The following BEND2 variants were observed in gnomAD, a reference collection of about 807,000 sequenced individuals.
BEND2 encodes the protein BEN domain containing 2.
Under a neutral mutation model 43.8 loss-of-function variants are expected in BEND2, and 19 were observed. The observed-to-expected ratio is 0.43, with a 90% CI of 0.30 to 0.64. The LOEUF (loss-of-function observed/expected upper bound fraction) is 0.64. BEND2 is among the 30% of genes least tolerant of loss of function. The pLI is 0.11. For synonymous variants in BEND2, 226 were observed against 210.1 expected, an observed-to-expected ratio of 1.08 and a Z score of -0.66; for missense variants, 544 against 574.0, an observed-to-expected ratio of 0.95 and a Z score of 0.53.
chrX:18,173,524 G>A (rs1226808078), intron 12 of BEND2, among the ~76,000 whole-genome samples: 1 of 111,770 alleles, frequency 8.9e-6, no homozygotes, highest in East Asian at 2.8e-4. Context: ...CAGCGCCCTG[G>A]GAGGATGCAT....
Position 18,163,438 on chromosome X carries a change from A to G in BEND2, c.*1571T>C, listed in dbSNP as rs986254992. The stretch of plus-strand genomic sequence containing the variant: ...TAAATTTACTTCCTCTGTCTAATTA[A>G]TTACATCTTAAATGCTCAATAGCCA... On this transcript the variant is annotated 3_prime_UTR_variant, in exon 14 of 14. Transcript: ENST00000380033. 4 of 112,061 alleles carry G rather than the reference A, an allele frequency of 3.6e-5. No individual in the cohort carries two copies. In the South Asian group the frequency reaches 1.1e-3, roughly 31 times the overall value. The allele number at this position is 112,061 out of a possible 1,213,427, so 9.2% of individuals were successfully genotyped here. A position where few individuals can be genotyped will look rare whatever the true frequency, so the allele number is the denominator to read the frequency against.
Position 18,180,729 on chromosome X carries a change from C to T in BEND2, c.1289-79G>A, listed in dbSNP as rs201952712. 12 of 716,649 alleles carry T rather than the reference C, an allele frequency of 1.7e-5. No homozygotes were observed. The East Asian group carries it at 4.1e-4, about 24-fold the overall frequency. The allele number at this position is 716,649 out of a possible 1,213,427, so 59.1% of individuals were successfully genotyped here. ...CAGGTACAGAGGGGAAATACACTCTCAGACAAAAGAAAACTAAAAAGATTT... is the reference window on the plus strand; with the variant it reads ...CAGGTACAGAGGGGAAATACACTCTTAGACAAAAGAAAACTAAAAAGATTT... On this transcript the variant is annotated intron_variant, in intron 8 of 13. Coordinates refer to ENST00000380033, the MANE Select transcript of BEND2 (RefSeq NM_153346.5).
chrX:18,206,975 T>C (rs916310089), intron 4 of BEND2, among the ~76,000 whole-genome samples: 2 of 111,566 alleles, frequency 1.8e-5, no homozygotes, highest in South Asian at 3.8e-4. Context: ...AGAGGAGCCA[T>C]TGGGGCCATT....
At chrX:18,165,260 A>C in intron 13 of BEND2, 37 bp from the exon 14 acceptor site, 1 of 1,072,494 alleles carries the variant, frequency 9.3e-7, no homozygotes, top group South Asian at 1.9e-5. Flanking sequence ...AGTTACTTGC[A>C]AATCACTTCT....
chrX:18,178,090 T>G (rs756147427), intron 9 of BEND2, among the ~76,000 whole-genome samples: 71 of 111,802 alleles, frequency 6.4e-4, no homozygotes, highest in African/African-American at 2.1e-3. Flanking sequence ...CAGGTGCATA[T>G]GTAAACATGT....
chrX:18,184,865 C>T (rs1014705877), intron 8 of BEND2, among the ~76,000 whole-genome samples: 1 of 110,787 alleles, frequency 9.0e-6, no homozygotes, highest in African/African-American at 3.3e-5. Context: ...CTGACCTTTC[C>T]AACACAGATT....
At chrX:18,192,628 ATACAAAAATCTG>A (rs1243419690) in intron 7 of BEND2, among the ~76,000 whole-genome samples, 1 of 112,589 alleles carries the variant, frequency 8.9e-6, no homozygotes, top group Non-Finnish European at 1.9e-5. Flanking sequence ...ACTTCTGTTT[ATACAAAAATCTG>A]TACATCAGTG....
rs1924053928 is a variant in BEND2 at position 18,173,911 on chromosome X, T to G, written c.1981+119A>C. ...AAATTATTTCACTTTCTGATGAAAT[T>G]TCTCAAACACACATAAAAGTAGAGA... is the stretch of plus-strand genomic sequence containing the variant. On this transcript the variant is annotated intron_variant, in intron 12 of 13. Coordinates refer to ENST00000380033, the MANE Select transcript of BEND2 (RefSeq NM_153346.5). 3 of 609,975 alleles carry G rather than the reference T, an allele frequency of 4.9e-6. No individual in the cohort carries two copies. In the South Asian group the frequency reaches 9.6e-5, roughly 19 times the overall value. The allele number at this position is 609,975 out of a possible 1,213,427, so 50.3% of individuals were successfully genotyped here.
rs200035974 is a variant in BEND2 at position 18,203,749 on chromosome X, T to C, written c.659A>G (p.Tyr220Cys). ...AGGAAATGAGCCACCTTGTGCGACA[T>C]ACTGCTGTAATGAACTTGAGGAGAC... ...RIVSSSSLQQ[Y>C]VAQGGSFPCF... is the part of the protein sequence containing the mutation. The change falls in exon 5 of 14, where the codon TAT (tyrosine) becomes TGT (cysteine). Residue 220 changes from tyrosine to cysteine, a missense_variant. By Grantham distance (194) the Tyr-to-Cys change is radical (BLOSUM62 -2). This residue lies in a region of BEND2 where 501 missense variants were observed against 501.6 expected (regional missense o/e 1.00). Transcript: ENST00000380033. 3 of 1,210,114 alleles carry C rather than the reference T, an allele frequency of 2.5e-6. No individual in the cohort carries two copies. Among genetic ancestry groups the C allele is most frequent in the Non-Finnish European group, 3.4e-6 (3 of 894,948 alleles).
rs1256775392 is a variant in BEND2, at chrX:18,163,624, A to G, written c.*1385T>C. 1 of 112,284 alleles carries G rather than the reference A, an allele frequency of 8.9e-6. No homozygotes were observed. The highest frequency in any genetic ancestry group is 1.9e-5 in the Non-Finnish European group (1 of 53,267). 9.3% of individuals were successfully genotyped at this position (112,284 alleles called of 1,213,427 possible). A position where few individuals can be genotyped will look rare whatever the true frequency, so the allele number is the denominator to read the frequency against. ...AATAGAAGTCTTGAAATTTTTTTCT[A>G]AATGTAAAGTTTTGTTTCTGTGGTT... On this transcript the variant is annotated 3_prime_UTR_variant, in exon 14 of 14. Transcript: ENST00000380033.
chrX:18,176,459 G>A (rs1459380410), intron 10 of BEND2, among the ~76,000 whole-genome samples: 6 of 108,088 alleles, frequency 5.6e-5, no homozygotes, highest in Admixed American at 1.0e-4. Flanking sequence ...CAGGAGGATC[G>A]CTTGAGATCA....
intron 4 of BEND2, among the ~76,000 whole-genome samples, chrX:18,210,383 A>C (rs1801259490): frequency 8.9e-6 from 1 of 112,234 alleles, no homozygotes; most frequent in South Asian, 3.7e-4. Context: ...ATATGAAAGA[A>C]AGAAAAGTTC....
At chrX:18,206,804 C>T (rs1038506280) in intron 4 of BEND2, among the ~76,000 whole-genome samples, 5 of 111,469 alleles carry the variant, frequency 4.5e-5, no homozygotes, top group Non-Finnish European at 7.6e-5. Flanking sequence ...TGAGGTAGGC[C>T]GGGGACTGCC....
At chrX:18,174,360 C>T (rs1924076724) in intron 11 of BEND2, 102 bp from the exon 12 acceptor site, 1 of 706,543 alleles carries the variant, frequency 1.4e-6, no homozygotes, top group Non-Finnish European at 2.1e-6. Context: ...AGGGAAGCAA[C>T]TGACTCTTTA....
At position 18,171,137 on chromosome X, in the gene BEND2, C is replaced by G; in HGVS notation, c.2049G>C (p.Lys683Asn). The change falls in exon 13 of 14, where the codon AAG (lysine) becomes AAC (asparagine). Residue 683 changes from lysine (K) to asparagine (N), a missense_variant. Physicochemically the swap from Lys to Asn is moderately conservative, Grantham distance 94. Around this residue, in one of 2 missense-constraint regions of BEND2, gnomAD observed 501 missense variants for 501.6 expected, o/e 1.00. Coordinates refer to ENST00000380033, the MANE Select transcript of BEND2 (RefSeq NM_153346.5). ...PCSVLTLAKT[K>N]SCASLSARYL... ...ATCTAGCCGACAGGCTTGCGCAAGACTTAGTTTTTGCCAAAGTCAGTACTG... is the reference window on the plus strand; with the variant it reads ...ATCTAGCCGACAGGCTTGCGCAAGAGTTAGTTTTTGCCAAAGTCAGTACTG... The G allele has an allele frequency of 8.3e-7, 1 of 1,209,801 alleles. No individual in the cohort carries two copies. Among genetic ancestry groups the G allele is most frequent in the Non-Finnish European group, 1.1e-6 (1 of 893,420 alleles).
rs1430509988 is a variant in BEND2, at chrX:18,220,781, C to T, written c.-31G>A. On this transcript the variant is annotated 5_prime_UTR_variant, in exon 1 of 14. Coordinates refer to ENST00000380033, the MANE Select transcript of BEND2 (RefSeq NM_153346.5). ...GATGGCGGGGTCTGGCTCTGAGGCCCGAGACCTGAGGCCCGAGACCTGAGG... is the reference window on the plus strand; with the variant it reads ...GATGGCGGGGTCTGGCTCTGAGGCCTGAGACCTGAGGCCCGAGACCTGAGG... 4 of 1,196,858 alleles carry T rather than the reference C, an allele frequency of 3.3e-6. No homozygotes were observed. The highest frequency in any genetic ancestry group is 3.4e-6 in the Non-Finnish European group (3 of 886,858).
intron 10 of BEND2, among the ~76,000 whole-genome samples, chrX:18,177,082 C>A (rs931125560): frequency 1.1e-4 from 12 of 110,219 alleles, no homozygotes; most frequent in Non-Finnish European, 1.9e-4. Context: ...ATTGTGGTAT[C>A]CTTAGTATCC....
chrX:18,163,852 T>A lies in BEND2; in HGVS notation c.*1157A>T, dbSNP rs1005283375. On this transcript the variant is annotated 3_prime_UTR_variant, in exon 14 of 14. Transcript: ENST00000380033. ...TTTGATCTATGTTTATAATGTGGAT[T>A]ACTATTCTGTATTAGCTCTGTTACT... 2 of 112,315 alleles carry A rather than the reference T, an allele frequency of 1.8e-5. No individual in the cohort carries two copies. Among genetic ancestry groups the A allele is most frequent in the African/African-American group, 6.5e-5 (2 of 30,948 alleles). 9.3% of individuals were successfully genotyped at this position (112,315 alleles called of 1,213,427 possible). A position where few individuals can be genotyped will look rare whatever the true frequency, so the allele number is the denominator to read the frequency against.
intron 8 of BEND2, 99 bp from the exon 9 acceptor site, chrX:18,180,749 A>T (rs1924353378): frequency 1.1e-5 from 7 of 627,909 alleles, no homozygotes; most frequent in Non-Finnish European, 1.7e-5. Context: ...AAAACTAAAA[A>T]GATTTGTTGC....
Sources: gnomAD v4.1 joint callset for allele counts (sites outside exome capture counted in the v4.1 genomes callset) on GRCh38, gnomAD v4.1.1 for gene constraint, gnomAD v4.1.1 regional missense constraint, MANE v1.5 for transcripts, NCBI Gene and HGNC (gene_info 2026-07-23, HGNC 2026-07-21) for gene names.